The following TSNARE1 variants were observed in gnomAD, a reference collection of about 807,000 sequenced individuals.
The protein encoded by TSNARE1 is t-SNARE domain containing 1, also known as t-SNARE domain-containing protein 1.
In TSNARE1, 49 loss-of-function variants were observed where a neutral mutation model predicts 62.0. That is an observed-to-expected ratio of 0.79 (90% confidence interval 0.63 to 1.00). The LOEUF (loss-of-function observed/expected upper bound fraction) is 1.00. TSNARE1 is among the 50% of genes least tolerant of loss of function. TSNARE1 has a pLI of 0.00. For synonymous variants in TSNARE1, 328 were observed against 294.4 expected, an observed-to-expected ratio of 1.11 and a Z score of -1.17; for missense variants, 755 against 700.1, an observed-to-expected ratio of 1.08 and a Z score of -0.88.
intron 12 of TSNARE1, among the ~76,000 whole-genome samples, chr8:142,263,410 A>C (rs1472498795): frequency 6.6e-6 from 1 of 152,202 alleles, no homozygotes. Context: ...CGTATCTCCA[A>C]ACACTTCTGG....
chr8:142,308,542 CCT>C lies in TSNARE1; in HGVS notation c.1131+5840_1131+5841del, dbSNP rs756868144. Among the ~76,000 whole-genome samples the C allele has an allele frequency of 1.3e-3, 194 of 152,188 alleles. 1 individual carries two copies. Among genetic ancestry groups the C allele is most frequent in the Non-Finnish European group, 2.0e-3 (139 of 68,042 alleles). On this transcript the variant is annotated intron_variant, in intron 9 of 13. Transcript: ENST00000524325. ...CGTGTGGTCCGTGTCCAGTCTCCAC[CCT>C]GTCCCATGCGTTGGTGTGTCCATAG...
intron 1 of TSNARE1, among the ~76,000 whole-genome samples, chr8:142,402,638 C>T (rs893878261): frequency 1.3e-5 from 2 of 152,240 alleles, no homozygotes; most frequent in African/African-American, 4.8e-5. Context: ...CACACAGGAA[C>T]GGGGTCCCCA....
At chr8:142,313,530 T>G (rs933305446) in intron 9 of TSNARE1, among the ~76,000 whole-genome samples, 1 of 152,226 alleles carries the variant, frequency 6.6e-6, no homozygotes, top group African/African-American at 2.4e-5. Context: ...TGTGTTTATC[T>G]GCATGGGTCT....
intron 2 of TSNARE1, among the ~76,000 whole-genome samples, chr8:142,351,029 A>G (rs1834033820): frequency 6.6e-6 from 1 of 152,240 alleles, no homozygotes; most frequent in Non-Finnish European, 1.5e-5. Context: ...CTGGTCACAC[A>G]TAAAAGGAGT....
chr8:142,330,963 G>A lies in TSNARE1; in HGVS notation c.831C>T (p.Ser277=). ...CTAAGGACTGAAGGCTCCGCTCCAA[G>A]GAGGTCACTGCCCGAGAGAAGAGGG... ...NVFRINSSVT[S]LERSLQSLGT... The change falls in exon 6 of 14, where the codon TCC becomes TCT. Residue 277 remains serine, a synonymous_variant. Coordinates refer to ENST00000524325, the MANE Select transcript of TSNARE1 (RefSeq NM_145003.5). The A allele has an allele frequency of 6.2e-7, 1 of 1,613,998 alleles. No individual in the cohort carries two copies. Among genetic ancestry groups the A allele is most frequent in the South Asian group, 1.1e-5 (1 of 91,082 alleles).
intron 1 of TSNARE1, among the ~76,000 whole-genome samples, chr8:142,371,365 G>A (rs1387342999): frequency 3.3e-5 from 5 of 152,172 alleles, no homozygotes; most frequent in South Asian, 2.1e-4. Flanking sequence ...GCTAGGGGTC[G>A]GCCATAGGGA....
chr8:142,261,885 T>C (rs976887836), intron 12 of TSNARE1, among the ~76,000 whole-genome samples: 2 of 152,160 alleles, frequency 1.3e-5, no homozygotes, highest in African/African-American at 4.8e-5. Flanking sequence ...AAGTCCAACC[T>C]GGGCAGCAGG....
intron 12 of TSNARE1, among the ~76,000 whole-genome samples, chr8:142,256,905 G>A (rs1302314862): frequency 6.6e-6 from 1 of 152,162 alleles, no homozygotes; most frequent in African/African-American, 2.4e-5. Flanking sequence ...CAGGGTCAGG[G>A]GCTGCCTCAG....
chr8:142,239,991 A>C (rs551134845), intron 12 of TSNARE1, among the ~76,000 whole-genome samples: 17 of 152,362 alleles, frequency 1.1e-4, no homozygotes, highest in African/African-American at 4.1e-4. Context: ...ATCAAAAAGT[A>C]AGAAGGGAGA....
chr8:142,376,084 G>A (rs1836314211), intron 1 of TSNARE1, among the ~76,000 whole-genome samples: 1 of 152,230 alleles, frequency 6.6e-6, no homozygotes, highest in African/African-American at 2.4e-5. Context: ...GCAGACTGCA[G>A]AGTCCGCGCC....
chr8:142,400,929 C>T (rs1024631967), intron 1 of TSNARE1, among the ~76,000 whole-genome samples: 3 of 152,202 alleles, frequency 2.0e-5, no homozygotes, highest in African/African-American at 7.2e-5. Flanking sequence ...GTTCCCTGGT[C>T]ACCTGGCACC....
intron 13 of TSNARE1, among the ~76,000 whole-genome samples, chr8:142,217,592 C>G (rs1815944499): frequency 6.7e-6 from 1 of 150,208 alleles, no homozygotes. Context: ...CTCACTTCAG[C>G]TACGTCAGCA....
At chr8:142,217,391 A>AAAGC (rs1815929574) in intron 13 of TSNARE1, among the ~76,000 whole-genome samples, 1 of 152,050 alleles carries the variant, frequency 6.6e-6, no homozygotes, top group Non-Finnish European at 1.5e-5. Context: ...AAAGAAAGAA[A>AAAGC]AAGCAAGCAA....
In TSNARE1 at chr8:142,282,394, CAATGATCAGGGTGGGGCCAGTGTCTATT is replaced by C. The variant is rs1198574029; in HGVS notation, c.1363+1991_1363+2018del. Among the ~76,000 whole-genome samples the C allele has an allele frequency of 5.9e-4, 89 of 151,988 alleles. 2 individuals carry two copies. The highest frequency in any genetic ancestry group is 7.8e-4 in the Non-Finnish European group (53 of 67,906). On this transcript the variant is annotated intron_variant, in intron 11 of 13. Transcript: ENST00000524325. ...GAGCGGAGCAGGGACCAGCGTCTGT[CAATGATCAGGGTGGGGCCAGTGTCTATT>C]AATGAGCGGAGCAGGGGCCAGTGTC...
intron 1 of TSNARE1, among the ~76,000 whole-genome samples, chr8:142,397,447 A>T (rs1232994830): frequency 6.6e-6 from 1 of 152,164 alleles, no homozygotes; most frequent in Non-Finnish European, 1.5e-5. Flanking sequence ...GACTAATGAC[A>T]TGGAAAGGCA....
Position 142,331,712 on chromosome 8 carries a change from T to A in TSNARE1, c.823+42A>T, listed in dbSNP as rs556364711. ...CCAATGTCGCATCAGTGGTCCAGGG[T>A]GCCTGGATGGAGGGGCAGGCCCAGG... On this transcript the variant is annotated intron_variant, in intron 5 of 13. Coordinates refer to ENST00000524325, the MANE Select transcript of TSNARE1 (RefSeq NM_145003.5). 5.1e-5 allele frequency: 78 copies of A among 1,532,782 alleles called. No individual in the cohort carries two copies. In the South Asian group the frequency reaches 9.0e-4, roughly 18 times the overall value. 94.9% of individuals were successfully genotyped at this position (1,532,782 alleles called of 1,614,324 possible). A position where few individuals can be genotyped will look rare whatever the true frequency, so the allele number is the denominator to read the frequency against.
chr8:142,217,363 GA>G lies in TSNARE1; in HGVS notation c.*12-5051del, dbSNP rs1263451478. 7.4e-3 allele frequency among the ~76,000 whole-genome samples: 968 copies of G among 131,210 alleles called. 20 individuals carry two copies. Among genetic ancestry groups the G allele is most frequent in the East Asian group, 0.027 (100 of 3,698 alleles). 86.1% of individuals were successfully genotyped at this position (131,210 alleles called of 152,430 possible). ...AGAAAGAAAGAAAGAAAGAAAGAAA[GA>G]AAGAAAGAAAAAAGGGAAAGAAAGA... is the stretch of plus-strand genomic sequence containing the variant. On this transcript the variant is annotated intron_variant, in intron 13 of 13. Coordinates refer to ENST00000524325, the MANE Select transcript of TSNARE1 (RefSeq NM_145003.5).
intron 1 of TSNARE1, among the ~76,000 whole-genome samples, chr8:142,376,036 A>T (rs1563999761): frequency 6.6e-6 from 1 of 152,210 alleles, no homozygotes; most frequent in Non-Finnish European, 1.5e-5. Context: ...CGCTATAAAC[A>T]TACGGAAAAC....
At chr8:142,277,062 G>A (rs1820613938) in intron 11 of TSNARE1, 7 of 985,392 alleles carry the variant, frequency 7.1e-6, no homozygotes, top group Non-Finnish European at 8.4e-6. Context: ...CTGTGGTACT[G>A]AGCGACACTC....
Sources: allele counts gnomAD v4.1 joint callset (sites outside exome capture counted in the v4.1 genomes callset), GRCh38; gene constraint gnomAD v4.1.1; transcripts MANE v1.5; gene names NCBI Gene and HGNC (gene_info 2026-07-23, HGNC 2026-07-21).